The following CFAP58 variants were observed in gnomAD, a reference collection of about 807,000 sequenced individuals.
CFAP58 encodes cilia- and flagella-associated protein 58.
A neutral mutation model predicts 119.5 loss-of-function variants in CFAP58; 88 were observed. The ratio of observed to expected loss-of-function variants is 0.74; its 90% confidence interval spans 0.62 to 0.88. CFAP58 has a LOEUF of 0.88. CFAP58 is among the 40% of genes least tolerant of loss of function. The pLI is 0.00. For missense variants in CFAP58, 990 were observed against 1,021.2 expected, an observed-to-expected ratio of 0.97 and a Z score of 0.42; for synonymous variants, 365 against 366.3, an observed-to-expected ratio of 1.00 and a Z score of 0.04.
rs1021922620 is a variant in CFAP58 at position 104,370,954 on chromosome 10, A to C, written c.990A>C (p.Arg330Ser). The change falls in exon 7 of 18, where the codon AGA becomes AGC. Residue 330 changes from arginine to serine, a missense_variant. By Grantham distance (110) the Arg-to-Ser change is moderately radical (BLOSUM62 -1). Coordinates refer to ENST00000369704, the MANE Select transcript of CFAP58 (RefSeq NM_001008723.2). ...RLDIGKLNKIREQIHKKLHHT... is the reference protein window; with the variant it reads ...RLDIGKLNKISEQIHKKLHHT... The stretch of plus-strand genomic sequence containing the variant: ...ACATCGGGAAGCTCAACAAAATCAG[A>C]GAACAAATTCATAAGAAATTGCACC... 1 of 1,613,864 alleles carries C rather than the reference A, an allele frequency of 6.2e-7. No homozygotes were observed. Among genetic ancestry groups the C allele is most frequent in the Non-Finnish European group, 8.5e-7 (1 of 1,179,954 alleles).
At chr10:104,399,175 A>AGTGTGTGTGT (rs35611566) in intron 11 of CFAP58, among the ~76,000 whole-genome samples, 185 bp from the exon 12 acceptor site, 11 of 149,104 alleles carry the variant, frequency 7.4e-5, no homozygotes, top group Middle Eastern at 3.4e-3. Context: ...TTTCTTTATG[A>AGTGTGTGTGT]GTGTGTGTGT....
chr10:104,454,719 C>T lies in CFAP58; in HGVS notation c.*189C>T. 1 of 567,060 alleles carries T rather than the reference C, an allele frequency of 1.8e-6. No homozygotes were observed. Among genetic ancestry groups the T allele is most frequent in the Non-Finnish European group, 3.1e-6 (1 of 319,522 alleles). 35.1% of individuals were successfully genotyped at this position (567,060 alleles called of 1,614,324 possible). A position where few individuals can be genotyped will look rare whatever the true frequency, so the allele number is the denominator to read the frequency against. ...TTTGTCTGGTTCACGTTGATATTAA[C>T]AGATCATAATTCTCTCTGTTCAGTT... On this transcript the variant is annotated 3_prime_UTR_variant, in exon 18 of 18. Coordinates refer to ENST00000369704, the MANE Select transcript of CFAP58 (RefSeq NM_001008723.2).
chr10:104,432,126 A>G (rs2012856994), intron 15 of CFAP58, among the ~76,000 whole-genome samples: 1 of 152,372 alleles, frequency 6.6e-6, no homozygotes, highest in Middle Eastern at 3.4e-3. Flanking sequence ...CATAAAGGAA[A>G]AGAGTGATAA....
chr10:104,357,737 A>C (rs74760754), intron 1 of CFAP58, among the ~76,000 whole-genome samples: 4,487 of 151,936 alleles, frequency 0.03, 98 homozygotes, highest in South Asian at 0.078. Flanking sequence ...ATATATATAT[A>C]TGTAATGTGT....
At position 104,440,794 on chromosome 10, in the gene CFAP58, T is replaced by C. The variant is rs565818867; in HGVS notation, c.2257-6904T>C. ...CTTTTCAGATCCACAAATACAAATATTACTGCTACTTCTTCTCCCACCAAG... is the reference window on the plus strand; with the variant it reads ...CTTTTCAGATCCACAAATACAAATACTACTGCTACTTCTTCTCCCACCAAG... On this transcript the variant is annotated intron_variant, in intron 15 of 17. Transcript: ENST00000369704. Among the ~76,000 whole-genome samples the C allele has an allele frequency of 1.1e-4, 16 of 152,314 alleles. No homozygotes were observed. In the South Asian group the frequency reaches 3.1e-3, roughly 30 times the overall value.
chr10:104,383,394 C>T (rs1338093519), intron 9 of CFAP58, among the ~76,000 whole-genome samples: 1 of 152,012 alleles, frequency 6.6e-6, no homozygotes, highest in African/African-American at 2.4e-5. Context: ...ATGAGAGACA[C>T]CAAAAAAGTA....
chr10:104,378,870 C>A (rs1277553939), intron 8 of CFAP58, among the ~76,000 whole-genome samples: 2 of 151,466 alleles, frequency 1.3e-5, no homozygotes, highest in African/African-American at 4.9e-5. Context: ...GGCAGCCAAC[C>A]CAAGATGTTT....
rs1021513379 is a variant in CFAP58, at chr10:104,353,837, T to C, written c.-61T>C. The C allele has an allele frequency of 1.3e-5, 20 of 1,583,428 alleles. No homozygotes were observed. In the Middle Eastern group the frequency reaches 1.2e-3, roughly 93 times the overall value. ...CGCGCCTTTAGCTTCTTTCCCAGACTCCGGCCCAGCTCCTGCGATCTCCAC... is the reference window on the plus strand; with the variant it reads ...CGCGCCTTTAGCTTCTTTCCCAGACCCCGGCCCAGCTCCTGCGATCTCCAC... On this transcript the variant is annotated 5_prime_UTR_variant, in exon 1 of 18. Coordinates refer to ENST00000369704, the MANE Select transcript of CFAP58 (RefSeq NM_001008723.2).
intron 9 of CFAP58, 27 bp from the exon 10 acceptor site, chr10:104,392,206 A>G: frequency 6.3e-7 from 1 of 1,591,810 alleles, no homozygotes; most frequent in Non-Finnish European, 8.5e-7. Flanking sequence ...CTATTTAACC[A>G]CATTCATATA....
Position 104,362,095 on chromosome 10 carries a change from G to A in CFAP58, c.364G>A (p.Ala122Thr). 1 of 1,614,122 alleles carries A rather than the reference G, an allele frequency of 6.2e-7. No individual in the cohort carries two copies. The highest frequency in any genetic ancestry group is 8.5e-7 in the Non-Finnish European group (1 of 1,179,998). ...GCAGAAGGCCAAGGAGACGATTCTTGCTCTGAAAGAGGAAATAGTGAACCT... is the reference window on the plus strand; with the variant it reads ...GCAGAAGGCCAAGGAGACGATTCTTACTCTGAAAGAGGAAATAGTGAACCT... ...KEQKAKETIL[A>T]LKEEIVNLTK... Residue 122 changes from alanine (A) to threonine (T), a missense_variant, in exon 3 of 18, where the codon GCT becomes ACT. Ala to Thr is a moderately conservative substitution (Grantham distance 58). Transcript: ENST00000369704.
At position 104,400,855 on chromosome 10, in the gene CFAP58, G is replaced by A. The variant is rs546646161; in HGVS notation, c.1991G>A (p.Arg664Gln). The A allele has an allele frequency of 4.9e-5, 79 of 1,614,048 alleles. 1 individual carries two copies. The Admixed American group carries it at 6.5e-4, about 13-fold the overall frequency. Residue 664 changes from arginine (R) to glutamine (Q), a missense_variant, in exon 13 of 18, where the codon CGG (arginine) becomes CAG (glutamine). Transcript: ENST00000369704. ...ILRLEIKKLR[R>Q]EKGILARSMA... is the part of the protein sequence containing the mutation. ...AGACTTGAGATCAAGAAGCTTCGCC[G>A]GGAAAAGGGGATTCTTGCCAGGAGT... is the stretch of plus-strand genomic sequence containing the variant.
chr10:104,399,383 A>T lies in CFAP58; in HGVS notation c.1698A>T (p.Gln566His), dbSNP rs138464964. The change falls in exon 12 of 18, where the codon CAA (glutamine) becomes CAT (histidine). Residue 566 changes from glutamine (Q) to histidine (H), a missense_variant. Transcript: ENST00000369704. ...TLKAELQKLR[Q>H]QALETKHFIE... ...AGGCTGAGCTGCAGAAGCTGAGACA[A>T]CAAGCCCTGGAGACAAAACACTTTA... 1 of 1,613,778 alleles carries T rather than the reference A, an allele frequency of 6.2e-7. No homozygotes were observed. The highest frequency in any genetic ancestry group is 1.3e-5 in the African/African-American group (1 of 74,908).
At chr10:104,424,861 G>A (rs2012717992) in intron 15 of CFAP58, among the ~76,000 whole-genome samples, 1 of 152,188 alleles carries the variant, frequency 6.6e-6, no homozygotes, top group Non-Finnish European at 1.5e-5. Flanking sequence ...AAGAGGACAT[G>A]TTTGGACTGG....
At chr10:104,347,504 A>G in the CFAP58 span, among the ~76,000 whole-genome samples, 1 of 152,166 alleles carries the variant, frequency 6.6e-6, no homozygotes, top group African/African-American at 2.4e-5. Context: ...TTTCTGTAAC[A>G]CGTGGGCTTT....
chr10:104,425,968 C>G (rs975152981), intron 15 of CFAP58, among the ~76,000 whole-genome samples: 9 of 152,200 alleles, frequency 5.9e-5, no homozygotes, highest in Non-Finnish European at 1.3e-4. Context: ...GGTGCTGGCT[C>G]ATGCCTATAA....
chr10:104,376,159 G>A (rs117467373), intron 7 of CFAP58, among the ~76,000 whole-genome samples: 15 of 152,174 alleles, frequency 9.9e-5, no homozygotes, highest in East Asian at 9.7e-4. Context: ...TAAATATTTC[G>A]ATTTTATTCC....
intron 7 of CFAP58, 82 bp downstream of exon 7, chr10:104,371,136 C>T (rs2014818233): frequency 7.7e-7 from 1 of 1,305,450 alleles, no homozygotes; most frequent in Non-Finnish European, 1.1e-6. Flanking sequence ...CTCCATGTTT[C>T]CAAACACAAC....
At chr10:104,444,858 G>A (rs2013089374) in intron 15 of CFAP58, among the ~76,000 whole-genome samples, 1 of 152,104 alleles carries the variant, frequency 6.6e-6, no homozygotes, top group South Asian at 2.1e-4. Context: ...GAACACACAG[G>A]GCTCACTTGC....
At chr10:104,367,477 A>G (rs1211040830) in intron 5 of CFAP58, among the ~76,000 whole-genome samples, 1 of 152,188 alleles carries the variant, frequency 6.6e-6, no homozygotes, top group African/African-American at 2.4e-5. Context: ...TAAAGTCAGA[A>G]GTCAAATAGA....
Sources: gnomAD v4.1 joint callset for allele counts (sites outside exome capture counted in the v4.1 genomes callset) on GRCh38, gnomAD v4.1.1 for gene constraint, MANE v1.5 for transcripts, NCBI Gene and HGNC (gene_info 2026-07-23, HGNC 2026-07-21) for gene names.